The following TPH2 variants were observed in gnomAD, a reference collection of about 807,000 sequenced individuals.
TPH2 encodes the protein tryptophan 5-hydroxylase 2.
A neutral mutation model predicts 59.1 loss-of-function variants in TPH2; 27 were observed. The ratio of observed to expected loss-of-function variants is 0.46; its 90% CI spans 0.34 to 0.63. TPH2 has a LOEUF of 0.63. Ranked by LOEUF, TPH2 falls within the 30% of genes least tolerant of loss-of-function variation. The pLI, the probability that TPH2 is intolerant of heterozygous loss-of-function variation, is 0.01. For missense variants in TPH2, 523 were observed against 588.3 expected, an observed-to-expected ratio of 0.89 and a Z score of 1.15; for synonymous variants, 220 against 210.5, an observed-to-expected ratio of 1.05 and a Z score of -0.39.
chr12:71,962,781 C>T (rs1441793816), intron 5 of TPH2: 10 of 745,574 alleles, frequency 1.3e-5, no homozygotes, highest in South Asian at 6.1e-5. Flanking sequence ...TGCAGTGGCA[C>T]GATCTCAGCT....
chr12:71,998,348 T>C (rs897036648), intron 8 of TPH2, among the ~76,000 whole-genome samples: 3 of 152,124 alleles, frequency 2.0e-5, no homozygotes, highest in Non-Finnish European at 2.9e-5. Context: ...CTGTATGATG[T>C]GGAGAGTATG....
At chr12:71,953,179 A>T (rs1467173382) in intron 5 of TPH2, among the ~76,000 whole-genome samples, 2 of 150,254 alleles carry the variant, frequency 1.3e-5, no homozygotes, top group African/African-American at 2.4e-5. Flanking sequence ...TTTTTTGCAC[A>T]TGGGAAGCTG....
At chr12:71,951,790 C>T (rs550767555) in intron 5 of TPH2, among the ~76,000 whole-genome samples, 1 of 152,134 alleles carries the variant, frequency 6.6e-6, no homozygotes, top group South Asian at 2.1e-4. Flanking sequence ...CTTTGGGAGG[C>T]TGAGGCAGGC....
At chr12:72,013,098 C>CT (rs199952841) in intron 8 of TPH2, among the ~76,000 whole-genome samples, 5 of 151,980 alleles carry the variant, frequency 3.3e-5, no homozygotes, top group South Asian at 4.2e-4. Context: ...TCTGCTGACA[C>CT]TTTTTTTTTC....
chr12:71,978,090 A>G (rs1872169527), intron 6 of TPH2, among the ~76,000 whole-genome samples: 2 of 152,020 alleles, frequency 1.3e-5, no homozygotes, highest in African/African-American at 4.8e-5. Flanking sequence ...TGTACCATCT[A>G]GGTTTGTGTG....
At chr12:71,984,557 C>G (rs1033491162) in intron 7 of TPH2, among the ~76,000 whole-genome samples, 4 of 152,290 alleles carry the variant, frequency 2.6e-5, no homozygotes, top group East Asian at 1.9e-4. Context: ...GCATGGTCTT[C>G]CTGCAGAGCT....
chr12:71,950,856 A>T (rs529756054), intron 5 of TPH2, among the ~76,000 whole-genome samples: 83 of 152,262 alleles, frequency 5.5e-4, no homozygotes, highest in Admixed American at 1.8e-3. Flanking sequence ...CTTAAGACAG[A>T]TGAGAAGATT....
chr12:72,006,913 C>T (rs1426092244), intron 8 of TPH2, among the ~76,000 whole-genome samples: 3 of 151,912 alleles, frequency 2.0e-5, no homozygotes, highest in Admixed American at 6.6e-5. Context: ...CAGTGCTAAG[C>T]GTTCAAAAAA....
rs139959754 is a variant in TPH2, at chr12:72,005,424, A to G, written c.1068+10859A>G. Among the ~76,000 whole-genome samples, 449 of 152,274 alleles carry G rather than the reference A, an allele frequency of 2.9e-3. 4 individuals are homozygous for G. The highest frequency in any genetic ancestry group is 0.01 in the African/African-American group (426 of 41,558). ...ATTGTAGAAAAAATTTAAAACATAG[A>G]TAAGGAAGGAAAATAAAGATCATCT... is the stretch of plus-strand genomic sequence containing the variant. On this transcript the variant is annotated intron_variant, in intron 8 of 10. Coordinates refer to ENST00000333850, the MANE Select transcript of TPH2 (RefSeq NM_173353.4).
At chr12:71,986,147 C>G (rs2139215095) in intron 7 of TPH2, among the ~76,000 whole-genome samples, 1 of 152,324 alleles carries the variant, frequency 6.6e-6, no homozygotes, top group South Asian at 2.1e-4. Context: ...AGGCCCCTCT[C>G]TCAGCTCCCA....
intron 5 of TPH2, among the ~76,000 whole-genome samples, chr12:71,965,758 G>A (rs1871802079): frequency 6.6e-6 from 1 of 152,100 alleles, no homozygotes; most frequent in Admixed American, 6.6e-5. Context: ...CTATTCTGTA[G>A]GTCATCCATT....
chr12:71,957,118 T>C (rs376744978), intron 5 of TPH2, among the ~76,000 whole-genome samples: 2 of 152,128 alleles, frequency 1.3e-5, no homozygotes, highest in African/African-American at 4.8e-5. Flanking sequence ...TGACCTAGTC[T>C]CTCTAATTCT....
intron 1 of TPH2, 127 bp from the exon 2 acceptor site, chr12:71,941,452 AACTTC>A (rs1418982330): frequency 1.8e-6 from 2 of 1,121,746 alleles, no homozygotes. Context: ...GTGACACGGC[AACTTC>A]ACCTTAAGTT....
chr12:72,001,654 G>A (rs1275090054), intron 8 of TPH2, among the ~76,000 whole-genome samples: 3 of 152,060 alleles, frequency 2.0e-5, no homozygotes, highest in African/African-American at 7.2e-5. Context: ...CTAACCTCAG[G>A]TGATCCATCC....
At chr12:71,979,551 T>C (rs1027907292) in intron 7 of TPH2, among the ~76,000 whole-genome samples, 10 of 152,224 alleles carry the variant, frequency 6.6e-5, no homozygotes, top group African/African-American at 1.7e-4. Flanking sequence ...CCTGCCATTT[T>C]AGTTTCTTGA....
intron 5 of TPH2, among the ~76,000 whole-genome samples, chr12:71,951,128 C>T (rs1474959285): frequency 2.0e-5 from 3 of 152,168 alleles, no homozygotes; most frequent in Admixed American, 6.5e-5. Context: ...CTAGCCCAAG[C>T]CCAACCTCAG....
At chr12:72,015,315 GTTTTTTTTT>G (rs869231666) in intron 8 of TPH2, among the ~76,000 whole-genome samples, 1 of 98,974 alleles carries the variant, frequency 1.0e-5, no homozygotes, top group Non-Finnish European at 2.1e-5. Flanking sequence ...TTTTTTGGTT[GTTTTTTTTT>G]TTTTTTTTTT....
At chr12:71,951,702 A>ATGTG (rs147723226) in intron 5 of TPH2, among the ~76,000 whole-genome samples, 1,588 of 149,022 alleles carry the variant, frequency 0.011, 18 homozygotes, top group African/African-American at 0.018. Context: ...GTGTGTGTGC[A>ATGTG]TGTGTGTGTG....
chr12:71,968,663 T>C (rs557931058), intron 5 of TPH2, among the ~76,000 whole-genome samples: 74 of 152,320 alleles, frequency 4.9e-4, no homozygotes, highest in African/African-American at 1.8e-3. Flanking sequence ...GCCTGCTGTC[T>C]TGACTTTGAG....
Sources: gnomAD v4.1 joint callset for allele counts (sites outside exome capture counted in the v4.1 genomes callset) on GRCh38, gnomAD v4.1.1 for gene constraint, MANE v1.5 for transcripts, NCBI Gene and HGNC (gene_info 2026-07-23, HGNC 2026-07-21) for gene names.